IFT88: variants seen among roughly 807,000 people sequenced by gnomAD.
IFT88 encodes the protein intraflagellar transport 88, also known as intraflagellar transport protein 88 homolog.
IFT88 carries 74 observed loss-of-function variants against 119.5 expected under a neutral mutation model. The ratio of observed to expected loss-of-function variants is 0.62; its 90% CI spans 0.51 to 0.75. The LOEUF is 0.75. Ranked by LOEUF, IFT88 falls within the 30% of genes least tolerant of loss-of-function variation. The pLI is 0.00. For missense variants in IFT88, 961 were observed against 977.7 expected (o/e 0.98, Z 0.23); for synonymous variants, 279 against 316.7 (o/e 0.88, Z 1.26).
At chr13:20,656,337 A>G in intron 21 of IFT88, 28 bp from the exon 22 acceptor site, 1 of 997,266 alleles carries the variant, frequency 1.0e-6, no homozygotes, top group Non-Finnish European at 1.5e-6. Context: ...ATAATTTGCT[A>G]ATATATTTTT....
At chr13:20,571,426 C>T (rs1566033331) in intron 1 of IFT88, among the ~76,000 whole-genome samples, 1 of 151,372 alleles carries the variant, frequency 6.6e-6, no homozygotes, top group South Asian at 2.1e-4. Context: ...ATTAGCCTTC[C>T]TCCACCTCCC....
chr13:20,619,146 C>CT (rs71198988), intron 14 of IFT88, among the ~76,000 whole-genome samples: 1,546 of 152,108 alleles, frequency 0.01, 7 homozygotes, highest in Middle Eastern at 0.02. Flanking sequence ...TATTTTTAAC[C>CT]TTTTTTCTGG....
chr13:20,590,516 T>C (rs1009281637), intron 4 of IFT88, among the ~76,000 whole-genome samples: 2 of 152,178 alleles, frequency 1.3e-5, no homozygotes, highest in African/African-American at 4.8e-5. Flanking sequence ...AAAGTAGCCT[T>C]GTACATAATA....
chr13:20,618,292 G>A (rs1566217215), intron 14 of IFT88, among the ~76,000 whole-genome samples: 1 of 152,210 alleles, frequency 6.6e-6, no homozygotes, highest in Non-Finnish European at 1.5e-5. Flanking sequence ...TAAAAGTGCG[G>A]ATAATCTGGC....
At chr13:20,571,060 C>G (rs1390425183) in intron 1 of IFT88, among the ~76,000 whole-genome samples, 1 of 152,086 alleles carries the variant, frequency 6.6e-6, no homozygotes, top group Non-Finnish European at 1.5e-5. Context: ...GTGGCACAAT[C>G]TCGGCCCACT....
intron 14 of IFT88, among the ~76,000 whole-genome samples, chr13:20,618,025 A>G (rs1318088560): frequency 6.6e-6 from 1 of 151,894 alleles, no homozygotes; most frequent in African/African-American, 2.4e-5. Flanking sequence ...ACCTCAAGTG[A>G]TCTGTCCTGG....
At chr13:20,637,536 C>T (rs1014060416) in intron 16 of IFT88, among the ~76,000 whole-genome samples, 5 of 152,142 alleles carry the variant, frequency 3.3e-5, no homozygotes, top group South Asian at 2.1e-4. Context: ...GCAGCTGCCT[C>T]CTCTGGGGAC....
At chr13:20,684,468 C>T (rs745347628) in intron 24 of IFT88, among the ~76,000 whole-genome samples, 1 of 152,184 alleles carries the variant, frequency 6.6e-6, no homozygotes, top group African/African-American at 2.4e-5. Flanking sequence ...TCTGATTCCT[C>T]CTCCTTGTCA....
At chr13:20,626,043 C>CT (rs528587128) in intron 15 of IFT88, among the ~76,000 whole-genome samples, 194 bp downstream of exon 15, 4 of 39,574 alleles carry the variant, frequency 1.0e-4, no homozygotes, top group Non-Finnish European at 1.2e-4. Context: ...TTTGTCGTTT[C>CT]TTTTTTTTTT....
In IFT88 at chr13:20,691,042, T is replaced by A. The variant is rs1266644297; in HGVS notation, c.2354-12T>A. 1 of 1,611,076 alleles carries A rather than the reference T, an allele frequency of 6.2e-7. No homozygotes were observed. Among genetic ancestry groups the A allele is most frequent in the Non-Finnish European group, 8.5e-7 (1 of 1,179,152 alleles). On this transcript the variant is annotated splice_polypyrimidine_tract_variant and intron_variant, in intron 25 of 25. Transcript: ENST00000351808. ...TACATAACTCTAACGTGACAATCTC[T>A]TCGAAACCTAGATGCCTCCTATGTG...
At chr13:20,584,598 T>A (rs1480250822) in intron 3 of IFT88, among the ~76,000 whole-genome samples, 2 of 152,196 alleles carry the variant, frequency 1.3e-5, no homozygotes, top group Non-Finnish European at 2.9e-5. Flanking sequence ...GTAGTTTTTT[T>A]CAGTATTAGT....
intron 13 of IFT88, among the ~76,000 whole-genome samples, chr13:20,611,382 A>C (rs2044478313): frequency 6.6e-6 from 1 of 151,470 alleles, no homozygotes; most frequent in Non-Finnish European, 1.5e-5. Context: ...TACAAAAATT[A>C]GTCAGACATG....
chr13:20,591,058 T>C (rs762299604), intron 5 of IFT88, 38 bp downstream of exon 5: 1 of 1,482,996 alleles, frequency 6.7e-7, no homozygotes, highest in Non-Finnish European at 9.3e-7. Flanking sequence ...TGTGCCTTTC[T>C]TGTGACTTGG....
intron 1 of IFT88, among the ~76,000 whole-genome samples, chr13:20,572,444 C>G (rs964346286): frequency 3.3e-5 from 5 of 152,116 alleles, no homozygotes; most frequent in Admixed American, 2.0e-4. Flanking sequence ...GTCTCAAACT[C>G]CTGACCTCAA....
chr13:20,655,980 C>T (rs1489869046), intron 21 of IFT88, among the ~76,000 whole-genome samples: 2 of 151,914 alleles, frequency 1.3e-5, no homozygotes, highest in African/African-American at 4.8e-5. Context: ...CAGCAATGTG[C>T]GTCTATAGTC....
intron 17 of IFT88, among the ~76,000 whole-genome samples, chr13:20,639,511 T>G (rs981512379): frequency 1.3e-5 from 2 of 152,224 alleles, no homozygotes; most frequent in East Asian, 1.9e-4. Context: ...CAAGAAGGAA[T>G]TAGCCATTTT....
Position 20,690,817 on chromosome 13 carries a change from C to T in IFT88, c.2353+2C>T. On this transcript the variant is annotated splice_donor_variant, in intron 25 of 25. Coordinates refer to ENST00000351808, the MANE Select transcript of IFT88 (RefSeq NM_006531.5). LOFTEE classifies it low-confidence loss of function (GC_TO_GT_DONOR). ...AAAGTAGCAGTAACAAAGAAATAGG[C>T]AAGTACTCTCCACCCAGTTCCTCCA... 6.3e-7 allele frequency: 1 copy of T among 1,592,624 alleles called. No homozygotes were observed. The highest frequency in any genetic ancestry group is 1.3e-5 in the African/African-American group (1 of 74,642).
At chr13:20,614,718 T>G (rs2045286531) in intron 13 of IFT88, among the ~76,000 whole-genome samples, 1 of 152,154 alleles carries the variant, frequency 6.6e-6, no homozygotes, top group Non-Finnish European at 1.5e-5. Flanking sequence ...ATCTCTTATG[T>G]TTTACAAATG....
intron 15 of IFT88, among the ~76,000 whole-genome samples, chr13:20,628,677 G>C (rs576963642): frequency 6.6e-6 from 1 of 152,170 alleles, no homozygotes; most frequent in Non-Finnish European, 1.5e-5. Context: ...GAATAATTAT[G>C]TAGCCTTTTT....
Sources: gnomAD v4.1 joint callset for allele counts (sites outside exome capture counted in the v4.1 genomes callset) on GRCh38, gnomAD v4.1.1 for gene constraint, MANE v1.5 for transcripts, NCBI Gene and HGNC (gene_info 2026-07-23, HGNC 2026-07-21) for gene names.